The following MAGI1 variants were observed in gnomAD, a reference collection of about 807,000 sequenced individuals.
The protein encoded by MAGI1 is membrane-associated guanylate kinase, WW and PDZ domain-containing protein 1.
A neutral mutation model predicts 139.9 loss-of-function variants in MAGI1; 58 were observed. The observed-to-expected ratio is 0.41, with a 90% CI of 0.34 to 0.52. The LOEUF is 0.52. Among genes scored for constraint, MAGI1 ranks in the 20% least tolerant of loss-of-function variants. MAGI1 has a pLI of 0.12. For synonymous variants in MAGI1, 812 were observed against 737.9 expected, an observed-to-expected ratio of 1.10 and a Z score of -1.63; for missense variants, 1,874 against 1,901.6, an observed-to-expected ratio of 0.99 and a Z score of 0.27.
intron 1 of MAGI1, among the ~76,000 whole-genome samples, chr3:66,012,833 C>G (rs1283015298): frequency 6.6e-6 from 1 of 151,752 alleles, no homozygotes; most frequent in Non-Finnish European, 1.5e-5. Flanking sequence ...CCTGGCACAT[C>G]AGAAGTGCCC....
chr3:65,517,944 A>G (rs2107788305), intron 2 of MAGI1, among the ~76,000 whole-genome samples: 1 of 152,330 alleles, frequency 6.6e-6, no homozygotes, highest in East Asian at 1.9e-4. Context: ...TGGATCCCAA[A>G]TGATATACTT....
Position 65,621,958 on chromosome 3 carries a change from G to C in MAGI1, c.430+14C>G, listed in dbSNP as rs756412114. 5.7e-6 allele frequency: 9 copies of C among 1,568,372 alleles called. No individual in the cohort carries two copies. The highest frequency in any genetic ancestry group is 7.0e-6 in the Non-Finnish European group (8 of 1,145,450). ...ACACACACAGCAGTGAGATGCCAAA[G>C]TCCAACTACTTACAAGGCACAGCAT... On this transcript the variant is annotated intron_variant, in intron 2 of 22. Transcript: ENST00000402939.
At chr3:65,924,718 T>G (rs2106639711) in intron 1 of MAGI1, among the ~76,000 whole-genome samples, 1 of 152,290 alleles carries the variant, frequency 6.6e-6, no homozygotes, top group South Asian at 2.1e-4. Flanking sequence ...CATCCCACAC[T>G]GCCCCTCGCT....
At chr3:65,793,908 C>T (rs915093498) in intron 1 of MAGI1, among the ~76,000 whole-genome samples, 2 of 152,204 alleles carry the variant, frequency 1.3e-5, no homozygotes, top group Admixed American at 6.5e-5. Flanking sequence ...ACAGATGCTG[C>T]GTAAAGTTTC....
chr3:65,529,013 T>C (rs920143792), intron 2 of MAGI1, among the ~76,000 whole-genome samples: 41 of 152,114 alleles, frequency 2.7e-4, no homozygotes, highest in African/African-American at 9.7e-4. Context: ...ACCACTGCAC[T>C]CCAGCCTGGG....
At chr3:65,669,349 G>A (rs2086716319) in intron 1 of MAGI1, among the ~76,000 whole-genome samples, 1 of 152,156 alleles carries the variant, frequency 6.6e-6, no homozygotes, top group Non-Finnish European at 1.5e-5. Flanking sequence ...TTGATGAGAG[G>A]AATGAGCAGG....
At chr3:65,933,543 A>G (rs973456441) in intron 1 of MAGI1, among the ~76,000 whole-genome samples, 2 of 152,196 alleles carry the variant, frequency 1.3e-5, no homozygotes, top group African/African-American at 4.8e-5. Context: ...TGGGAACAAT[A>G]CTGTGCCATT....
intron 10 of MAGI1, among the ~76,000 whole-genome samples, chr3:65,435,201 G>A (rs1170877627): frequency 6.6e-6 from 1 of 152,020 alleles, no homozygotes; most frequent in Non-Finnish European, 1.5e-5. Flanking sequence ...ACCAGTGGAT[G>A]TCTTAGTCAA....
chr3:66,009,366 C>T (rs553347326), intron 1 of MAGI1, among the ~76,000 whole-genome samples: 2 of 151,996 alleles, frequency 1.3e-5, no homozygotes, highest in Non-Finnish European at 2.9e-5. Flanking sequence ...AAAAATTAGC[C>T]GGGCGTGGTG....
chr3:65,580,690 G>A (rs1489226038), intron 2 of MAGI1, among the ~76,000 whole-genome samples: 1 of 152,070 alleles, frequency 6.6e-6, no homozygotes, highest in Non-Finnish European at 1.5e-5. Flanking sequence ...AAAAATATGT[G>A]GCAGATACCA....
chr3:65,686,097 A>G (rs901736973), intron 1 of MAGI1, among the ~76,000 whole-genome samples: 15 of 152,148 alleles, frequency 9.9e-5, no homozygotes. Flanking sequence ...TGTTCTGTGC[A>G]ATAACTGTGA....
chr3:65,850,222 A>C (rs2059155908), intron 1 of MAGI1, among the ~76,000 whole-genome samples: 1 of 152,196 alleles, frequency 6.6e-6, no homozygotes, highest in Non-Finnish European at 1.5e-5. Context: ...GTCATGCTGT[A>C]AATTATGGTA....
In MAGI1 at chr3:65,357,022, C is replaced by G; in HGVS notation, c.3745G>C (p.Asp1249His). The change falls in exon 23 of 23, where the codon GAT becomes CAT. Residue 1249 changes from aspartate to histidine, a missense_variant. Physicochemically the swap from Asp to His is moderately conservative, Grantham distance 81 (BLOSUM62 -1). This residue lies in a region of MAGI1 where 653 missense variants were observed against 644.5 expected (regional missense o/e 1.01). Coordinates refer to ENST00000402939, the MANE Select transcript of MAGI1 (RefSeq NM_001033057.2). ...HPSLESSYPP[D>H]LHKSSPHGEK... is the part of the protein sequence containing the mutation. Reference sequence around the variant, plus strand: ...CCATGTGGTGATGATTTGTGAAGATCGGGTGGGTAACTGGACTCCAATGAC... The same window carrying G: ...CCATGTGGTGATGATTTGTGAAGATGGGGTGGGTAACTGGACTCCAATGAC... 1 of 1,614,172 alleles carries G rather than the reference C, an allele frequency of 6.2e-7. No homozygotes were observed. Among genetic ancestry groups the G allele is most frequent in the Non-Finnish European group, 8.5e-7 (1 of 1,180,026 alleles).
rs531490895 is a variant in MAGI1 at position 65,530,333 on chromosome 3, C to G, written c.431-36702G>C. On this transcript the variant is annotated intron_variant, in intron 2 of 22. Coordinates refer to ENST00000402939, the MANE Select transcript of MAGI1 (RefSeq NM_001033057.2). ...CTCCTTTTCTCCATCACAAACTCCT[C>G]CAGAACCATATAGCACAGTGGCTAA... 5.9e-5 allele frequency among the ~76,000 whole-genome samples: 9 copies of G among 152,134 alleles called. No homozygotes were observed. In the South Asian group the frequency reaches 1.9e-3, roughly 32 times the overall value.
intron 1 of MAGI1, among the ~76,000 whole-genome samples, chr3:65,887,578 C>T (rs939989827): frequency 5.3e-5 from 8 of 151,390 alleles, no homozygotes; most frequent in Admixed American, 5.3e-4. Context: ...TACCAAATAC[C>T]ACAATTTCTC....
rs1460778196 is a variant in MAGI1 at position 65,738,641 on chromosome 3, G to A, written c.314-116553C>T. 2.0e-5 allele frequency among the ~76,000 whole-genome samples: 3 copies of A among 152,272 alleles called. No individual in the cohort carries two copies. In the South Asian group the frequency reaches 6.2e-4, roughly 32 times the overall value. Reference sequence around the variant, plus strand: ...AAGTTTAAGTGACTCCTTGATCCATGGGCTGCAGAAGGGATGCTGTGTTAA... The same window carrying A: ...AAGTTTAAGTGACTCCTTGATCCATAGGCTGCAGAAGGGATGCTGTGTTAA... On this transcript the variant is annotated intron_variant, in intron 1 of 22. Coordinates refer to ENST00000402939, the MANE Select transcript of MAGI1 (RefSeq NM_001033057.2).
chr3:65,847,186 A>G (rs192101849), intron 1 of MAGI1, among the ~76,000 whole-genome samples: 68 of 152,290 alleles, frequency 4.5e-4, no homozygotes, highest in African/African-American at 1.6e-3. Flanking sequence ...AAAAGAATGT[A>G]GCATGACAAA....
intron 1 of MAGI1, among the ~76,000 whole-genome samples, chr3:65,998,623 G>C (rs1358862361): frequency 6.6e-6 from 1 of 152,132 alleles, no homozygotes; most frequent in Non-Finnish European, 1.5e-5. Context: ...TATTTGACTA[G>C]AGCCAAAAGA....
At position 65,622,024 on chromosome 3, in the gene MAGI1, A is replaced by G; in HGVS notation, c.378T>C (p.Asp126=). The change falls in exon 2 of 23, where the codon GAT becomes GAC. Residue 126 remains aspartate, a synonymous_variant. Coordinates refer to ENST00000402939, the MANE Select transcript of MAGI1 (RefSeq NM_001033057.2). The part of the protein sequence containing the change: ...LNQRFQKGSP[D]HELQQTIRDN... ...CCCTTATGGTCTGCTGGAGCTCATG[A>G]TCAGGAGACCCCTTCTGGAATCGCT... The G allele has an allele frequency of 6.2e-7, 1 of 1,614,006 alleles. No individual in the cohort carries two copies. Among genetic ancestry groups the G allele is most frequent in the Non-Finnish European group, 8.5e-7 (1 of 1,179,964 alleles).
Sources: gnomAD v4.1 joint callset for allele counts (sites outside exome capture counted in the v4.1 genomes callset) on GRCh38, gnomAD v4.1.1 for gene constraint, gnomAD v4.1.1 regional missense constraint, MANE v1.5 for transcripts, NCBI Gene and HGNC (gene_info 2026-07-23, HGNC 2026-07-21) for gene names.